Variants in GARIN1A observed in about 807,000 individuals in gnomAD.
GARIN1A encodes the protein golgi associated RAB2 interactor 1A, also known as Golgi-associated RAB2 interactor protein 1A.
At chr7:128,680,783 T>A in the GARIN1A span, among the ~76,000 whole-genome samples, 1 of 152,108 alleles carries the variant, frequency 6.6e-6, no homozygotes, top group African/African-American at 2.4e-5. Context: ...GCCAGGCTGG[T>A]CTCGAACTCC....
At chr7:128,689,750 GC>G in the GARIN1A span, among the ~76,000 whole-genome samples, 1 of 88,640 alleles carries the variant, frequency 1.1e-5, no homozygotes, top group Admixed American at 1.2e-4. Context: ...GTGGGGGTCA[GC>G]CCCCGCCGGC....
the GARIN1A span, chr7:128,684,833 T>C: frequency 1.3e-5 from 2 of 151,874 alleles, no homozygotes; most frequent in South Asian, 4.2e-4. Context: ...TCTTTGAGTA[T>C]TGGGAATGGG....
chr7:128,678,994 A>ATACATATATACTTATGTAACGATTGT, the GARIN1A span, among the ~76,000 whole-genome samples: 2 of 113,052 alleles, frequency 1.8e-5, no homozygotes, highest in African/African-American at 3.8e-5. Flanking sequence ...CGATTGTTAC[A>ATACATATATACTTATGTAACGATTGT]TACATATATA....
chr7:128,689,154 C>G, the GARIN1A span, among the ~76,000 whole-genome samples: 224 of 152,246 alleles, frequency 1.5e-3, 2 homozygotes, highest in Middle Eastern at 0.02. Context: ...CTCGCTACAA[C>G]CTCCACCTCC....
chr7:128,678,281 A>G, the GARIN1A span, among the ~76,000 whole-genome samples: 9 of 152,058 alleles, frequency 5.9e-5, no homozygotes, highest in Non-Finnish European at 8.8e-5. Flanking sequence ...TTGGCCTCCC[A>G]AAGTGCTGGG....
the GARIN1A span, among the ~76,000 whole-genome samples, chr7:128,701,562 G>A: frequency 1.8e-4 from 28 of 152,194 alleles, no homozygotes; most frequent in Non-Finnish European, 2.9e-4. Flanking sequence ...AGCTAATTCT[G>A]ATTGGCTATT....
the GARIN1A span, chr7:128,697,313 A>T: frequency 2.0e-5 from 3 of 152,404 alleles, no homozygotes; most frequent in African/African-American, 7.2e-5. Context: ...TGCTGGAGTC[A>T]TTGCCAGTGG....
the GARIN1A span, among the ~76,000 whole-genome samples, chr7:128,689,883 C>T: frequency 2.6e-5 from 4 of 152,150 alleles, no homozygotes; most frequent in African/African-American, 9.7e-5. Context: ...CCCCTCTGCC[C>T]GGCCACCACC....
the GARIN1A span, chr7:128,677,721 C>A: frequency 6.2e-7 from 1 of 1,613,796 alleles, no homozygotes; most frequent in Middle Eastern, 1.6e-4. Context: ...GAAAATTCTG[C>A]AGAAAGGCCT....
At chr7:128,702,539 T>C in the GARIN1A span, among the ~76,000 whole-genome samples, 1 of 152,268 alleles carries the variant, frequency 6.6e-6, no homozygotes. Context: ...ACATTATAAA[T>C]ATGAGATATA....
chr7:128,688,956 A>G, the GARIN1A span, among the ~76,000 whole-genome samples: 2 of 149,552 alleles, frequency 1.3e-5, no homozygotes, highest in East Asian at 4.0e-4. Flanking sequence ...GCGCGCCACC[A>G]CGCCTGACTG....
chr7:128,707,116 G>A, the GARIN1A span, among the ~76,000 whole-genome samples: 2 of 151,820 alleles, frequency 1.3e-5, no homozygotes, highest in Non-Finnish European at 2.9e-5. Flanking sequence ...TGTGGGTTAG[G>A]TATATACCTG....
At chr7:128,697,518 G>A in the GARIN1A span, 7 of 151,412 alleles carry the variant, frequency 4.6e-5, no homozygotes, top group Admixed American at 4.6e-4. Context: ...GTTAGTACTT[G>A]GATGGGAGAT....
At chr7:128,676,019 C>T in the GARIN1A span, among the ~76,000 whole-genome samples, 261 of 121,564 alleles carry the variant, frequency 2.1e-3, no homozygotes, top group Middle Eastern at 0.013. Context: ...TATTTAGTAT[C>T]TTTTTTTTTT....
chr7:128,675,809 A>G, the GARIN1A span: 4 of 1,613,566 alleles, frequency 2.5e-6, no homozygotes, highest in East Asian at 2.2e-5. Context: ...CCCAGGGTCC[A>G]TTTACCACCT....
chr7:128,700,440 G>A, the GARIN1A span, among the ~76,000 whole-genome samples: 21 of 151,900 alleles, frequency 1.4e-4, no homozygotes, highest in African/African-American at 4.8e-4. Flanking sequence ...ACCACCACAC[G>A]TGGCTAATTT....
the GARIN1A span, among the ~76,000 whole-genome samples, chr7:128,675,452 G>A: frequency 2.2e-5 from 3 of 135,642 alleles, no homozygotes; most frequent in Admixed American, 1.4e-4. Flanking sequence ...TATCTTTTTA[G>A]TTAGATAAAA....
At chr7:128,672,240 G>T in the GARIN1A span, 3 of 550,662 alleles carry the variant, frequency 5.4e-6, no homozygotes, top group Non-Finnish European at 6.4e-6. Flanking sequence ...TCCTGCCATT[G>T]TGAGCTGACA....
At chr7:128,696,457 C>G in the GARIN1A span, among the ~76,000 whole-genome samples, 1 of 152,152 alleles carries the variant, frequency 6.6e-6, no homozygotes, top group African/African-American at 2.4e-5. Context: ...TATCAACTTT[C>G]TCTAGTCTTT....
Sources: gnomAD v4.1 joint callset for allele counts (sites outside exome capture counted in the v4.1 genomes callset) on GRCh38, gnomAD v4.1.1 for gene constraint, MANE v1.5 for transcripts, NCBI Gene and HGNC (gene_info 2026-07-23, HGNC 2026-07-21) for gene names.